Variants in RIF1 observed in about 807,000 individuals in gnomAD.
RIF1 encodes telomere-associated protein RIF1.
Under a neutral mutation model 247.1 loss-of-function variants are expected in RIF1, and 45 were observed. The ratio of observed to expected loss-of-function variants is 0.18; its 90% CI spans 0.14 to 0.23. RIF1 has a LOEUF of 0.23. RIF1 is among the 10% of genes least tolerant of loss of function. The pLI, the probability that RIF1 is intolerant of heterozygous loss-of-function variation, is 1.00. For synonymous variants in RIF1, 1,087 were observed against 978.8 expected, an observed-to-expected ratio of 1.11 and a Z score of -2.06; for missense variants, 2,967 against 2,862.5, an observed-to-expected ratio of 1.04 and a Z score of -0.83.
At chr2:151,492,919 C>T (rs2152838770) in intron 9 of RIF1, 1 of 180,144 alleles carries the variant, frequency 5.6e-6, no homozygotes, top group South Asian at 1.4e-4. Flanking sequence ...ATATAGAAAT[C>T]AAAGTCCTCC....
intron 11 of RIF1, chr2:151,501,540 C>T: frequency 2.0e-6 from 2 of 1,008,842 alleles, no homozygotes; most frequent in Non-Finnish European, 2.7e-6. Flanking sequence ...TTTAGGTAGA[C>T]TTAACCTAAA....
At chr2:151,410,153 C>T (rs1038801143) in intron 1 of RIF1, 120 bp downstream of exon 1, 8 of 666,704 alleles carry the variant, frequency 1.2e-5, no homozygotes, top group Admixed American at 2.1e-5. Flanking sequence ...CGCCGATCTC[C>T]TCCCTCTGTT....
At chr2:151,490,318 CCAT>C in intron 9 of RIF1, 2 of 1,556,460 alleles carry the variant, frequency 1.3e-6, no homozygotes, top group Non-Finnish European at 1.7e-6. Flanking sequence ...CTTATAGTAA[CCAT>C]CAATGAGCTG....
At chr2:151,439,490 C>T (rs1036126549) in intron 14 of RIF1, among the ~76,000 whole-genome samples, 11 of 151,654 alleles carry the variant, frequency 7.3e-5, no homozygotes, top group Non-Finnish European at 1.3e-4. Flanking sequence ...CATGGAGAAA[C>T]CCTGCCTCTA....
At chr2:151,483,534 T>C (rs1421853962), downstream of RIF1, among the ~76,000 whole-genome samples, 1 of 152,334 alleles carries the variant, frequency 6.6e-6, no homozygotes. Context: ...GATTATTCTC[T>C]ACTTTTATAT....
intron 26 of RIF1, 104 bp from the exon 27 acceptor site, chr2:151,461,034 A>T (rs1696076111): frequency 9.6e-7 from 1 of 1,046,222 alleles, no homozygotes; most frequent in Admixed American, 2.3e-5. Flanking sequence ...AACTTTCATA[A>T]TCACTATTGA....
rs771549315 is a variant in RIF1 at position 151,457,792 on chromosome 2, G to A, written c.2684G>A (p.Cys895Tyr). The A allele has an allele frequency of 1.2e-6, 2 of 1,613,658 alleles. No homozygotes were observed. The highest frequency in any genetic ancestry group is 2.2e-5 in the East Asian group (1 of 44,790). The change falls in exon 24 of 36, where the codon TGT becomes TAT. Residue 895 changes from cysteine to tyrosine, a missense_variant. This residue lies in a region of RIF1 where 2,028 missense variants were observed against 1,825.6 expected (regional missense o/e 1.11). Transcript: ENST00000444746. ...AAGCTACTGGGAGAAATTATTGCTT[G>A]TCTGCAATTCAGCTACACCGGAACT... ...LEKLLGEIIA[C>Y]LQFSYTGTYD...
chr2:151,515,001 A>T, the RIF1 span: 6 of 890,438 alleles, frequency 6.7e-6, no homozygotes, highest in East Asian at 2.8e-5. Context: ...TCTCAGGAAG[A>T]AAAAAAAAAC....
chr2:151,454,869 T>A, intron 21 of RIF1, 26 bp from the exon 22 acceptor site: 2 of 1,528,992 alleles, frequency 1.3e-6, no homozygotes, highest in Non-Finnish European at 1.8e-6. Context: ...ATTTGAGTTT[T>A]TAATTAATTC....
At chr2:151,498,473 GA>G in intron 10 of RIF1, 1 of 666,976 alleles carries the variant, frequency 1.5e-6, no homozygotes, top group East Asian at 2.7e-5. Flanking sequence ...AGAAATACCA[GA>G]AGCTTTTAGA....
At chr2:151,439,721 C>T (rs1170360476) in intron 14 of RIF1, among the ~76,000 whole-genome samples, 2 of 149,120 alleles carry the variant, frequency 1.3e-5, no homozygotes, top group African/African-American at 2.5e-5. Context: ...TGGTGGCTGA[C>T]GTCTGTAATC....
intron 18 of RIF1, among the ~76,000 whole-genome samples, chr2:151,444,733 G>A (rs954225483): frequency 2.0e-5 from 3 of 152,154 alleles, no homozygotes; most frequent in African/African-American, 4.8e-5. Context: ...TATTGTATGA[G>A]TTTTTGCTGG....
chr2:151,446,169 G>A (rs1208185168), intron 19 of RIF1, among the ~76,000 whole-genome samples: 2 of 151,894 alleles, frequency 1.3e-5, no homozygotes, highest in African/African-American at 4.8e-5. Flanking sequence ...ACTTCGTCCG[G>A]CTGATTTTTT....
rs147636840 is a variant in RIF1, at chr2:151,462,264, A to G, written c.3250A>G (p.Asn1084Asp). 8 of 1,588,026 alleles carry G rather than the reference A, an allele frequency of 5.0e-6. No individual in the cohort carries two copies. The highest frequency in any genetic ancestry group is 6.0e-6 in the Non-Finnish European group (7 of 1,163,310). ...CAGGTGTGATATTCCTGCCATGTATAATAATCTGGATGTTTCCCAAGATAC... is the reference window on the plus strand; with the variant it reads ...CAGGTGTGATATTCCTGCCATGTATGATAATCTGGATGTTTCCCAAGATAC... Reference protein sequence around the residue: ...TKRCDIPAMYNNLDVSQDTLF... With the variant: ...TKRCDIPAMYDNLDVSQDTLF... Residue 1084 changes from asparagine (N) to aspartate (D), a missense_variant, in exon 28 of 36, where the codon AAT becomes GAT. Transcript: ENST00000444746.
chr2:151,495,896 C>CACA (rs1437712715), intron 10 of RIF1, among the ~76,000 whole-genome samples: 4 of 152,250 alleles, frequency 2.6e-5, no homozygotes, highest in Non-Finnish European at 5.9e-5. Context: ...GACACAAAAA[C>CACA]ACAACAAAAT....
the RIF1 span, chr2:151,518,850 T>A: frequency 1.5e-6 from 1 of 682,434 alleles, no homozygotes; most frequent in African/African-American, 1.8e-5. Flanking sequence ...ATGAGAACAG[T>A]TTTGTAATAA....
At position 151,492,723 on chromosome 2, in the gene RIF1, A is replaced by G. The variant is rs999848376; in HGVS notation, c.*416-2506A>G. 5.4e-5 allele frequency: 19 copies of G among 354,898 alleles called. 1 individual carries two copies. The highest frequency in any genetic ancestry group is 4.0e-4 in the African/African-American group (19 of 47,712). The allele number at this position is 354,898 out of a possible 1,614,324, so 22.0% of individuals were successfully genotyped here. A position where few individuals can be genotyped will look rare whatever the true frequency, so the allele number is the denominator to read the frequency against. On this transcript the variant is annotated intron_variant and NMD_transcript_variant, in intron 9 of 13. Coordinates refer to the RIF1 transcript ENST00000454583. Reference sequence around the variant, plus strand: ...CTTCGAAAATGAAACTCATTTTCAAAGAAGGGGCACGGTATAATTTTGAAA... The same window carrying G: ...CTTCGAAAATGAAACTCATTTTCAAGGAAGGGGCACGGTATAATTTTGAAA...
chr2:151,417,019 C>A, intron 6 of RIF1, 118 bp downstream of exon 6: 454 of 637,368 alleles, frequency 7.1e-4, no homozygotes, highest in Middle Eastern at 1.8e-3. Flanking sequence ...TCATTTACAC[C>A]AAACGACTCA....
At position 151,481,347 on chromosome 2, in the gene RIF1, C is replaced by T. The variant is rs1239339234; in HGVS notation, c.*6276C>T. On this transcript the variant is annotated 3_prime_UTR_variant, in exon 36 of 36. Transcript: ENST00000444746. ...CTCAAATTACAGATACTAGGAAACACTACTACTTTATAAGTACACTTCTTT... is the reference window on the plus strand; with the variant it reads ...CTCAAATTACAGATACTAGGAAACATTACTACTTTATAAGTACACTTCTTT... 6.6e-6 allele frequency: 1 copy of T among 152,232 alleles called. No homozygotes were observed. Among genetic ancestry groups the T allele is most frequent in the Non-Finnish European group, 1.5e-5 (1 of 68,054 alleles). The allele number at this position is 152,232 out of a possible 1,614,324, so 9.4% of individuals were successfully genotyped here. A position where few individuals can be genotyped will look rare whatever the true frequency, so the allele number is the denominator to read the frequency against.
Sources: gnomAD v4.1 joint callset for allele counts (sites outside exome capture counted in the v4.1 genomes callset) on GRCh38, gnomAD v4.1.1 for gene constraint, gnomAD v4.1.1 regional missense constraint, MANE v1.5 for transcripts, NCBI Gene and HGNC (gene_info 2026-07-23, HGNC 2026-07-21) for gene names.